COL4A2: variants seen among roughly 807,000 people sequenced by gnomAD.
COL4A2 encodes the protein collagen type IV alpha 2 chain.
A neutral mutation model predicts 200.2 loss-of-function variants in COL4A2; 99 were observed. The ratio of observed to expected loss-of-function variants is 0.49; its 90% confidence interval spans 0.42 to 0.58. COL4A2 has a LOEUF of 0.58. Ranked by LOEUF, COL4A2 falls within the 20% of genes least tolerant of loss-of-function variation. The probability of loss-of-function intolerance (pLI) is 0.00; values close to 1 mark genes in which losing one functional copy is unlikely to be tolerated. For missense variants in COL4A2, 1,950 were observed against 2,314.1 expected, an observed-to-expected ratio of 0.84 and a Z score of 3.23; for synonymous variants, 897 against 900.6, an observed-to-expected ratio of 1.00 and a Z score of 0.07.
At chr13:110,322,747 A>C (rs1162276859) in intron 3 of COL4A2, among the ~76,000 whole-genome samples, 1 of 152,188 alleles carries the variant, frequency 6.6e-6, no homozygotes, top group Non-Finnish European at 1.5e-5. Flanking sequence ...TCAGGTTGCT[A>C]AGGGCTGGGA....
At chr13:110,457,633 GC>G in intron 21 of COL4A2, 198 bp downstream of exon 21, 2 of 686,548 alleles carry the variant, frequency 2.9e-6, no homozygotes, top group Non-Finnish European at 5.5e-6. Flanking sequence ...TGAGCACTCG[GC>G]CCCCAGGCTC....
intron 4 of COL4A2, among the ~76,000 whole-genome samples, chr13:110,364,425 A>G (rs907444043): frequency 2.6e-5 from 4 of 152,214 alleles, no homozygotes; most frequent in African/African-American, 9.6e-5. Context: ...TTCTTTTGAC[A>G]TAAAATATTT....
rs546602444 is a variant in COL4A2 at position 110,511,945 on chromosome 13, G to A, written c.4893G>A (p.Ala1631=). The change falls in exon 48 of 48, where the codon GCG becomes GCA. Residue 1631 remains alanine (A), a synonymous_variant. Transcript: ENST00000360467. The part of the protein sequence containing the change: ...IGYSFLMHTA[A]GDEGGGQSLV... ...CCCTCTCTGTGCAGCACACGGCGGCGGGAGACGAAGGCGGTGGCCAATCAC... is the reference window on the plus strand; with the variant it reads ...CCCTCTCTGTGCAGCACACGGCGGCAGGAGACGAAGGCGGTGGCCAATCAC... 1.9e-5 allele frequency: 31 copies of A among 1,613,512 alleles called. No homozygotes were observed. The East Asian group carries it at 2.0e-4, about 10-fold the overall frequency.
intron 40 of COL4A2, among the ~76,000 whole-genome samples, chr13:110,496,130 G>GGC (rs1426077074): frequency 6.6e-6 from 1 of 152,174 alleles, no homozygotes; most frequent in Non-Finnish European, 1.5e-5. Flanking sequence ...AGCACACCTG[G>GGC]ATGGACAGCC....
chr13:110,368,699 G>A (rs1420444394), intron 4 of COL4A2, among the ~76,000 whole-genome samples: 1 of 152,162 alleles, frequency 6.6e-6, no homozygotes. Context: ...TTGAGCTGTA[G>A]AGGTTTCACT....
intron 3 of COL4A2, among the ~76,000 whole-genome samples, chr13:110,350,687 A>T (rs1876918735): frequency 6.6e-6 from 1 of 152,210 alleles, no homozygotes; most frequent in African/African-American, 2.4e-5. Context: ...CACCTAGTGT[A>T]GGGCTTTGCA....
At chr13:110,389,471 G>A (rs145947229) in intron 4 of COL4A2, among the ~76,000 whole-genome samples, 20 of 152,334 alleles carry the variant, frequency 1.3e-4, no homozygotes, top group Admixed American at 1.0e-3. Flanking sequence ...CAGCAGCAGC[G>A]AAGATGACCC....
At chr13:110,464,899 G>A (rs1315521593) in intron 24 of COL4A2, among the ~76,000 whole-genome samples, 7 of 152,164 alleles carry the variant, frequency 4.6e-5, no homozygotes, top group Non-Finnish European at 8.8e-5. Flanking sequence ...CATCCACAGG[G>A]CAGCCCCTCT....
rs9521757 is a variant in COL4A2, at chr13:110,434,159, G to A, written c.685-242G>A. Among the ~76,000 whole-genome samples the A allele has an allele frequency of 0.24, 36,836 of 151,994 alleles. 4,673 individuals carry two copies. Among genetic ancestry groups the A allele is most frequent in the Middle Eastern group, 0.43 (125 of 294 alleles). On this transcript the variant is annotated intron_variant, in intron 11 of 47. Transcript: ENST00000360467. ...CTGCAGAGACCATATACTCACGATC[G>A]AGGGCCAGCACCACCTGGGGTCCAA...
chr13:110,472,907 G>GC (rs1882533397), intron 28 of COL4A2, 22 bp from the exon 29 acceptor site: 1 of 1,546,026 alleles, frequency 6.5e-7, no homozygotes, highest in African/African-American at 1.4e-5. Flanking sequence ...GTGGTTTGGG[G>GC]CCCACCCATG....
intron 20 of COL4A2, among the ~76,000 whole-genome samples, chr13:110,451,651 A>T (rs1881541948): frequency 6.6e-6 from 1 of 152,362 alleles, no homozygotes; most frequent in Middle Eastern, 3.4e-3. Context: ...AACTGCCTCC[A>T]TGATTCCATT....
intron 28 of COL4A2, among the ~76,000 whole-genome samples, chr13:110,469,667 A>G (rs993372351): frequency 1.3e-5 from 2 of 152,204 alleles, no homozygotes; most frequent in Non-Finnish European, 2.9e-5. Flanking sequence ...CTCTCCTGAA[A>G]GAACCCTTAA....
chr13:110,501,198 C>T (rs1044063136), intron 40 of COL4A2, among the ~76,000 whole-genome samples: 1 of 152,202 alleles, frequency 6.6e-6, no homozygotes, highest in Non-Finnish European at 1.5e-5. Context: ...AAGCTGGGAT[C>T]CGAGGCACTG....
In COL4A2 at chr13:110,424,838, C is replaced by T. The variant is rs781221810; in HGVS notation, c.285C>T (p.Ala95=). 6 of 1,614,104 alleles carry T rather than the reference C, an allele frequency of 3.7e-6. No individual in the cohort carries two copies. Among genetic ancestry groups the T allele is most frequent in the Non-Finnish European group, 5.1e-6 (6 of 1,180,014 alleles). ...GRKGDKGERG[A]PGVTGPKGDV... ...AAGGAGACAAGGGTGAAAGGGGAGC[C>T]CCCGGAGTAACGGGACCCAAGGGCG... Residue 95 remains alanine (A), a synonymous_variant, in exon 5 of 48, where the codon GCC becomes GCT. Transcript: ENST00000360467.
At chr13:110,479,139 C>T (rs372950516) in intron 30 of COL4A2, among the ~76,000 whole-genome samples, 4 of 152,226 alleles carry the variant, frequency 2.6e-5, no homozygotes, top group Non-Finnish European at 4.4e-5. Context: ...ATCTCAGTAT[C>T]GACAGGGCCG....
At chr13:110,411,648 C>A (rs566690857) in intron 4 of COL4A2, among the ~76,000 whole-genome samples, 1 of 152,206 alleles carries the variant, frequency 6.6e-6, no homozygotes, top group East Asian at 1.9e-4. Flanking sequence ...TGGTTTTGTA[C>A]GGATTTCCAT....
intron 3 of COL4A2, among the ~76,000 whole-genome samples, chr13:110,311,800 G>A (rs563376400): frequency 3.0e-4 from 45 of 152,336 alleles, no homozygotes; most frequent in Non-Finnish European, 4.1e-4. Context: ...ACCTCTGGCC[G>A]GGACCTGGGG....
intron 14 of COL4A2, 86 bp from the exon 15 acceptor site, chr13:110,438,532 C>A (rs1880988664): frequency 6.5e-7 from 1 of 1,532,212 alleles, no homozygotes; most frequent in South Asian, 1.1e-5. Context: ...AACACAGAGT[C>A]CTGGAGCAGA....
At chr13:110,393,452 T>A (rs1235623804) in intron 4 of COL4A2, among the ~76,000 whole-genome samples, 2 of 152,188 alleles carry the variant, frequency 1.3e-5, no homozygotes, top group Non-Finnish European at 2.9e-5. Flanking sequence ...AATGAAATAT[T>A]TCTGTTGAAA....
Sources: gnomAD v4.1 joint callset for allele counts (sites outside exome capture counted in the v4.1 genomes callset) on GRCh38, gnomAD v4.1.1 for gene constraint, MANE v1.5 for transcripts, NCBI Gene and HGNC (gene_info 2026-07-23, HGNC 2026-07-21) for gene names.